DNAJB6: variants seen among roughly 807,000 people sequenced by gnomAD.
DNAJB6 encodes DnaJ heat shock protein family (Hsp40) member B6.
DNAJB6 carries 16 observed loss-of-function variants against 42.7 expected under a neutral mutation model. The observed-to-expected ratio is 0.37, with a 90% confidence interval of 0.25 to 0.57. The LOEUF is 0.57. Among genes scored for constraint, DNAJB6 ranks in the 20% least tolerant of loss-of-function variants. The pLI is 0.74. For synonymous variants in DNAJB6, 170 were observed against 163.5 expected (o/e 1.04, Z -0.30); for missense variants, 347 against 416.8 (o/e 0.83, Z 1.46).
chr7:157,337,821 A>C (rs1244584435), intron 1 of DNAJB6: 1 of 151,954 alleles, frequency 6.6e-6, no homozygotes, highest in African/African-American at 2.4e-5. Context: ...GGTCAGTGAC[A>C]CACGCAGTGT....
chr7:157,377,907 C>A (rs1160291033), intron 5 of DNAJB6, among the ~76,000 whole-genome samples: 1 of 152,180 alleles, frequency 6.6e-6, no homozygotes, highest in African/African-American at 2.4e-5. Context: ...GATCCACTAT[C>A]CCACAGACAA....
At chr7:157,379,673 A>AG (rs1434743730) in intron 5 of DNAJB6, 2 of 152,466 alleles carry the variant, frequency 1.3e-5, no homozygotes, top group Non-Finnish European at 2.9e-5. Flanking sequence ...ATTGTAGAGA[A>AG]GGGGTCTTGC....
intron 3 of DNAJB6, among the ~76,000 whole-genome samples, chr7:157,364,692 A>T (rs1799762690): frequency 6.6e-6 from 1 of 152,196 alleles, no homozygotes; most frequent in Admixed American, 6.5e-5. Flanking sequence ...AGGGACTAGT[A>T]ACATTAGGAA....
At chr7:157,353,627 A>ATGTAT (rs763263719) in intron 1 of DNAJB6, among the ~76,000 whole-genome samples, 17 of 107,294 alleles carry the variant, frequency 1.6e-4, no homozygotes, top group African/African-American at 6.3e-4. Flanking sequence ...GTGTGTATGT[A>ATGTAT]TTTTTTTTTG....
intron 8 of DNAJB6, among the ~76,000 whole-genome samples, chr7:157,402,687 C>T (rs543935438): frequency 6.6e-6 from 1 of 152,332 alleles, no homozygotes; most frequent in East Asian, 1.9e-4. Flanking sequence ...CCAGTCATCC[C>T]AGGGGCCTAC....
intron 5 of DNAJB6, among the ~76,000 whole-genome samples, chr7:157,377,299 A>G: frequency 6.6e-6 from 1 of 152,098 alleles, no homozygotes; most frequent in Non-Finnish European, 1.5e-5. Flanking sequence ...GACTCCCCAG[A>G]CCCCTTAGGT....
chr7:157,361,604 C>T (rs1799600382), intron 2 of DNAJB6, among the ~76,000 whole-genome samples: 1 of 152,230 alleles, frequency 6.6e-6, no homozygotes, highest in Non-Finnish European at 1.5e-5. Context: ...ACAGTAATAA[C>T]TTGCCTAGTG....
At chr7:157,338,693 C>T (rs1423156677) in intron 1 of DNAJB6, among the ~76,000 whole-genome samples, 5 of 152,246 alleles carry the variant, frequency 3.3e-5, no homozygotes, top group African/African-American at 1.2e-4. Flanking sequence ...TGTGCTTTCA[C>T]ATTTCTTTCT....
intron 5 of DNAJB6, chr7:157,381,745 C>CGTGTGTGTGTGTGTGTGTGTGT (rs3839841): frequency 1.3e-5 from 2 of 148,726 alleles, no homozygotes; most frequent in African/African-American, 5.0e-5. Flanking sequence ...CACCATTCCT[C>CGTGTGTGTGTGTGTGTGTGTGT]GTGTGTGTGT....
At chr7:157,341,806 T>C (rs1798402527) in intron 1 of DNAJB6, among the ~76,000 whole-genome samples, 1 of 152,212 alleles carries the variant, frequency 6.6e-6, no homozygotes, top group South Asian at 2.1e-4. Flanking sequence ...AATAATGGAA[T>C]CCAGAATTCA....
At chr7:157,365,769 A>T (rs1253407026) in intron 3 of DNAJB6, among the ~76,000 whole-genome samples, 1 of 152,126 alleles carries the variant, frequency 6.6e-6, no homozygotes, top group Non-Finnish European at 1.5e-5. Flanking sequence ...GGTTCAAGCG[A>T]TTCTCCTGCT....
At chr7:157,414,424 C>T (rs1015220308) in intron 9 of DNAJB6, 3 of 152,306 alleles carry the variant, frequency 2.0e-5, no homozygotes, top group South Asian at 4.1e-4. Context: ...CTGGCTTCCT[C>T]CCGCTTCCTT....
intron 8 of DNAJB6, among the ~76,000 whole-genome samples, chr7:157,388,617 T>C (rs1460716847): frequency 1.4e-5 from 2 of 147,376 alleles, no homozygotes; most frequent in African/African-American, 4.9e-5. Context: ...CTTTAATTTT[T>C]AAAAATACTT....
intron 8 of DNAJB6, chr7:157,385,933 G>GT (rs1201368805): frequency 1.0e-6 from 1 of 975,402 alleles, no homozygotes; most frequent in Non-Finnish European, 1.3e-6. Context: ...ACTCTTTAGT[G>GT]TAGGACAAGA....
At chr7:157,390,859 C>T (rs941367178) in intron 8 of DNAJB6, among the ~76,000 whole-genome samples, 1 of 152,038 alleles carries the variant, frequency 6.6e-6, no homozygotes, top group African/African-American at 2.4e-5. Context: ...ACTTTTGGAC[C>T]AGTTCTCTCT....
In DNAJB6 at chr7:157,362,586, C is replaced by G. The variant is rs564622500; in HGVS notation, c.66-575C>G. Among the ~76,000 whole-genome samples the G allele has an allele frequency of 9.2e-5, 14 of 152,056 alleles. No individual in the cohort carries two copies. The South Asian group carries it at 2.9e-3, about 32-fold the overall frequency. On this transcript the variant is annotated intron_variant, in intron 2 of 9. Transcript: ENST00000262177. The stretch of plus-strand genomic sequence containing the variant: ...TTGGGGTTTCTCCATGTTGGCCAGG[C>G]TGGTCTCGAACTTCTGACCTCAGGT...
intron 8 of DNAJB6, among the ~76,000 whole-genome samples, chr7:157,393,671 T>C (rs1801456158): frequency 6.6e-6 from 1 of 152,226 alleles, no homozygotes; most frequent in Admixed American, 6.5e-5. Context: ...TACTGGTATT[T>C]TTTAATCATT....
intron 8 of DNAJB6, among the ~76,000 whole-genome samples, chr7:157,392,019 CT>C (rs1801367025): frequency 6.8e-6 from 1 of 147,662 alleles, no homozygotes; most frequent in East Asian, 2.0e-4. Flanking sequence ...GGAAGGATCA[CT>C]TGAGTCAGGG....
intron 8 of DNAJB6, among the ~76,000 whole-genome samples, chr7:157,395,125 A>G (rs1801521862): frequency 6.8e-6 from 1 of 147,180 alleles, no homozygotes; most frequent in Non-Finnish European, 1.5e-5. Flanking sequence ...AAAAAACCCC[A>G]GAAAGCAGAG....
Sources: allele counts gnomAD v4.1 joint callset (sites outside exome capture counted in the v4.1 genomes callset), GRCh38; gene constraint gnomAD v4.1.1; transcripts MANE v1.5; gene names NCBI Gene and HGNC (gene_info 2026-07-23, HGNC 2026-07-21).